Variants in DMXL1 observed in about 807,000 individuals in gnomAD.
The protein encoded by DMXL1 is dmX-like protein 1.
In DMXL1, 99 loss-of-function variants were observed where a neutral mutation model predicts 319.2. The ratio of observed to expected loss-of-function variants is 0.31; its 90% CI spans 0.26 to 0.37. The LOEUF is 0.37. Ranked by LOEUF, DMXL1 falls within the 10% of genes least tolerant of loss-of-function variation. The pLI is 1.00. For synonymous variants in DMXL1, 1,385 were observed against 1,235.2 expected (o/e 1.12, Z -2.54); for missense variants, 3,745 against 3,595.6 (o/e 1.04, Z -1.06).
chr5:119,196,279 C>T, intron 30 of DMXL1, 92 bp from the exon 31 acceptor site: 1 of 947,992 alleles, frequency 1.1e-6, no homozygotes. Flanking sequence ...CAGGTTGATT[C>T]CTGATAGTGG....
At chr5:119,136,980 C>T (rs1212278491) in intron 13 of DMXL1, among the ~76,000 whole-genome samples, 1 of 152,244 alleles carries the variant, frequency 6.6e-6, no homozygotes, top group East Asian at 1.9e-4. Context: ...CCACCATCAT[C>T]CTCCAGACCC....
chr5:119,124,359 C>A (rs1246802297), intron 9 of DMXL1, among the ~76,000 whole-genome samples: 1 of 151,210 alleles, frequency 6.6e-6, no homozygotes, highest in African/African-American at 2.4e-5. Context: ...GGAACAAATG[C>A]TTTTTTAGCT....
At chr5:119,085,735 A>C (rs1156784680) in intron 1 of DMXL1, among the ~76,000 whole-genome samples, 1 of 152,162 alleles carries the variant, frequency 6.6e-6, no homozygotes. Context: ...ACTGAATAAA[A>C]GTGGTGAAAG....
intron 23 of DMXL1, among the ~76,000 whole-genome samples, chr5:119,168,852 CCCCTTT>C (rs957688130): frequency 1.3e-5 from 2 of 151,972 alleles, no homozygotes; most frequent in African/African-American, 2.4e-5. Flanking sequence ...TGTGCCTGGC[CCCCTTT>C]CCCTTTCCCT....
intron 5 of DMXL1, among the ~76,000 whole-genome samples, chr5:119,110,497 T>G (rs1759336674): frequency 1.3e-5 from 2 of 152,230 alleles, no homozygotes; most frequent in Admixed American, 1.3e-4. Context: ...GAAACAAATG[T>G]GTAAGGCTTA....
At chr5:119,205,976 C>T (rs1781669362) in intron 33 of DMXL1, among the ~76,000 whole-genome samples, 1 of 152,028 alleles carries the variant, frequency 6.6e-6, no homozygotes, top group Non-Finnish European at 1.5e-5. Flanking sequence ...ATTCTGAGAA[C>T]TGCTCTTTCT....
chr5:119,198,341 C>T (rs905388217), intron 32 of DMXL1, among the ~76,000 whole-genome samples: 29 of 152,158 alleles, frequency 1.9e-4, no homozygotes, highest in Non-Finnish European at 2.8e-4. Context: ...ACATTCTTGT[C>T]ATAACTACTC....
chr5:119,158,682 T>A (rs1427375902), intron 19 of DMXL1, among the ~76,000 whole-genome samples: 1 of 152,208 alleles, frequency 6.6e-6, no homozygotes, highest in Admixed American at 6.5e-5. Context: ...TGGGAGAGTT[T>A]TTGTCATGAA....
At chr5:119,213,569 T>G (rs2150532078) in intron 34 of DMXL1, among the ~76,000 whole-genome samples, 1 of 152,330 alleles carries the variant, frequency 6.6e-6, no homozygotes. Context: ...CAAAATTCAC[T>G]TAGAGTTGCC....
chr5:119,141,558 T>A lies in DMXL1; in HGVS notation c.2377-2283T>A, dbSNP rs187027419. Among the ~76,000 whole-genome samples, 21 of 152,104 alleles carry A rather than the reference T, an allele frequency of 1.4e-4. No homozygotes were observed. The East Asian group carries it at 4.1e-3, about 29-fold the overall frequency. ...TACAGCTATCCAGGGGGGTGGAAGA[T>A]CTCTACAATGAGAATTACAAAACAT... is the stretch of plus-strand genomic sequence containing the variant. On this transcript the variant is annotated intron_variant, in intron 13 of 43. Transcript: ENST00000539542.
Position 119,240,453 on chromosome 5 carries a change from G to A in DMXL1, c.8686G>A (p.Ala2896Thr), listed in dbSNP as rs755822743. 6.2e-7 allele frequency: 1 copy of A among 1,605,516 alleles called. No homozygotes were observed. The highest frequency in any genetic ancestry group is 1.1e-5 in the South Asian group (1 of 90,128). ...VCLWDTLVAPANSLVHAFTCH... is the reference protein window; with the variant it reads ...VCLWDTLVAPTNSLVHAFTCH... ...TTTGTGGGATACTCTTGTAGCACCTGCCAATAGTTTAGTCCATGGTAAGTT... is the reference window on the plus strand; with the variant it reads ...TTTGTGGGATACTCTTGTAGCACCTACCAATAGTTTAGTCCATGGTAAGTT... Residue 2896 changes from alanine to threonine, a missense_variant, in exon 42 of 44, where the codon GCC becomes ACC. Physicochemically the swap from Ala to Thr is moderately conservative, Grantham distance 58. This residue lies in a region of DMXL1 where 262 missense variants were observed against 320.5 expected (regional missense o/e 0.82). Coordinates refer to ENST00000539542, the MANE Select transcript of DMXL1 (RefSeq NM_001290321.3).
intron 10 of DMXL1, among the ~76,000 whole-genome samples, chr5:119,131,525 A>G (rs1331745476): frequency 6.6e-6 from 1 of 152,230 alleles, no homozygotes; most frequent in Non-Finnish European, 1.5e-5. Flanking sequence ...GAGATAAAGT[A>G]CAAATTACAC....
At position 119,134,350 on chromosome 5, in the gene DMXL1, T is replaced by G. The variant is rs781718223; in HGVS notation, c.2337T>G (p.Ala779=). Residue 779 remains alanine, a synonymous_variant, in exon 13 of 44, where the codon GCT becomes GCG. Coordinates refer to ENST00000539542, the MANE Select transcript of DMXL1 (RefSeq NM_001290321.3). Reference sequence around the variant, plus strand: ...GATTATATGAAGCAGTTATTGATGCTAAGAAACTTTTATCTGAGCTTTCTA... The same window carrying G: ...GATTATATGAAGCAGTTATTGATGCGAAGAAACTTTTATCTGAGCTTTCTA... ...YLRLYEAVID[A]KKLLSELSNP... 4 of 1,613,466 alleles carry G rather than the reference T, an allele frequency of 2.5e-6. No individual in the cohort carries two copies. The highest frequency in any genetic ancestry group is 3.4e-6 in the Non-Finnish European group (4 of 1,179,780).
intron 15 of DMXL1, 99 bp downstream of exon 15, chr5:119,144,737 A>G: frequency 2.9e-6 from 2 of 692,598 alleles, no homozygotes; most frequent in Middle Eastern, 4.0e-4. Flanking sequence ...GTCTATTTGA[A>G]GTAAAAATTG....
At position 119,170,478 on chromosome 5, in the gene DMXL1, G is replaced by A. The variant is rs779896950; in HGVS notation, c.5687G>A (p.Ser1896Asn). 2 of 1,613,696 alleles carry A rather than the reference G, an allele frequency of 1.2e-6. No individual in the cohort carries two copies. The highest frequency in any genetic ancestry group is 1.7e-5 in the Admixed American group (1 of 59,944). The change falls in exon 24 of 44, where the codon AGT becomes AAT. Residue 1896 changes from serine (S) to asparagine (N), a missense_variant. Ser to Asn is a conservative substitution (Grantham distance 46). Transcript: ENST00000539542. Reference sequence around the variant, plus strand: ...ACAAGACCTTTTTATAGGGCTTCTAGTTTTCTGGATACTAGTAAAGACTGT... The same window carrying A: ...ACAAGACCTTTTTATAGGGCTTCTAATTTTCTGGATACTAGTAAAGACTGT... ...KKTRPFYRAS[S>N]FLDTSKDCSP...
At chr5:119,121,289 T>G in intron 9 of DMXL1, 150 bp downstream of exon 9, 1 of 570,374 alleles carries the variant, frequency 1.8e-6, no homozygotes, top group Non-Finnish European at 2.7e-6. Flanking sequence ...TTTTAATTTA[T>G]TATTTATTTT....
chr5:119,173,952 T>C (rs976182697), intron 25 of DMXL1, among the ~76,000 whole-genome samples: 9 of 150,936 alleles, frequency 6.0e-5, no homozygotes, highest in Admixed American at 5.3e-4. Context: ...AGCTATAATT[T>C]AAGTTCAGGT....
At chr5:119,168,342 T>C (rs1773859671) in intron 23 of DMXL1, among the ~76,000 whole-genome samples, 1 of 152,222 alleles carries the variant, frequency 6.6e-6, no homozygotes, top group African/African-American at 2.4e-5. Flanking sequence ...CTAGTACCTT[T>C]TCTTTTAGAA....
In DMXL1 at chr5:119,143,889, A is replaced by C; in HGVS notation, c.2425A>C (p.Arg809=). The C allele has an allele frequency of 6.3e-7, 1 of 1,587,562 alleles. No individual in the cohort carries two copies. Among genetic ancestry groups the C allele is most frequent in the Non-Finnish European group, 8.6e-7 (1 of 1,167,322 alleles). ...FNIVSQQSTA[R]PGCIIALDPI... Reference sequence around the variant, plus strand: ...CATCGTCAGTCAACAATCAACAGCCAGGCCAGGATGCATTATTGCATTAGA... The same window carrying C: ...CATCGTCAGTCAACAATCAACAGCCCGGCCAGGATGCATTATTGCATTAGA... The change falls in exon 14 of 44, where the codon AGG becomes CGG. Residue 809 remains arginine (R), a synonymous_variant. Transcript: ENST00000539542.
Sources: gnomAD v4.1 joint callset for allele counts (sites outside exome capture counted in the v4.1 genomes callset) on GRCh38, gnomAD v4.1.1 for gene constraint, gnomAD v4.1.1 regional missense constraint, MANE v1.5 for transcripts, NCBI Gene and HGNC (gene_info 2026-07-23, HGNC 2026-07-21) for gene names.